The following PTK2 variants were observed in gnomAD, a reference collection of about 807,000 sequenced individuals.
PTK2 encodes the protein protein tyrosine kinase 2, also known as focal adhesion kinase 1.
In PTK2, 45 loss-of-function variants were observed where a neutral mutation model predicts 150.1. That is an observed-to-expected ratio of 0.30 (90% confidence interval 0.24 to 0.38). The LOEUF is 0.38. PTK2 is among the 10% of genes least tolerant of loss of function. PTK2 has a pLI of 1.00. For missense variants in PTK2, 919 were observed against 1,307.3 expected (o/e 0.70, Z 4.58); for synonymous variants, 432 against 449.2 (o/e 0.96, Z 0.48).
At chr8:141,001,986 C>G (rs2100200350), upstream of PTK2, 1 of 152,206 alleles carries the variant, frequency 6.6e-6, no homozygotes, top group Non-Finnish European at 1.5e-5. Context: ...GGGAACGAGC[C>G]CTGCAATCCC....
chr8:140,866,446 T>C (rs1313953829), intron 4 of PTK2, among the ~76,000 whole-genome samples: 1 of 152,210 alleles, frequency 6.6e-6, no homozygotes, highest in Non-Finnish European at 1.5e-5. Flanking sequence ...TTTACACAGA[T>C]GATTTCTTTT....
chr8:140,740,634 T>C (rs1336319452), intron 20 of PTK2, among the ~76,000 whole-genome samples: 1 of 152,242 alleles, frequency 6.6e-6, no homozygotes, highest in Non-Finnish European at 1.5e-5. Context: ...GTTTAAAATG[T>C]TGTTCAAATG....
intron 1 of PTK2, among the ~76,000 whole-genome samples, chr8:140,979,466 T>C (rs544367853): frequency 2.1e-5 from 3 of 145,854 alleles, no homozygotes; most frequent in Non-Finnish European, 3.0e-5. Flanking sequence ...ATAGCAAATA[T>C]ATTAAAAGTG....
intron 5 of PTK2, among the ~76,000 whole-genome samples, chr8:140,858,824 A>G (rs1289379273): frequency 6.6e-6 from 1 of 152,244 alleles, no homozygotes; most frequent in African/African-American, 2.4e-5. Context: ...CAATATCTAA[A>G]TATGTGCAAG....
chr8:140,955,130 T>A (rs2100180804), intron 1 of PTK2, among the ~76,000 whole-genome samples: 1 of 152,264 alleles, frequency 6.6e-6, no homozygotes. Context: ...TATACACATC[T>A]ATTTCACTTC....
intron 24 of PTK2, 82 bp from the exon 28 acceptor site, chr8:140,702,789 T>C (rs2154111973): frequency 6.9e-7 from 1 of 1,441,076 alleles, no homozygotes; most frequent in East Asian, 2.4e-5. Flanking sequence ...AAACTAAAAT[T>C]ACAGAGAATA....
chr8:140,837,905 A>C (rs889275846), intron 7 of PTK2, among the ~76,000 whole-genome samples: 1 of 151,708 alleles, frequency 6.6e-6, no homozygotes, highest in African/African-American at 2.4e-5. Context: ...CTAAAAATAC[A>C]AAAAAAATTA....
At chr8:140,819,474 G>A (rs1451029665) in intron 8 of PTK2, among the ~76,000 whole-genome samples, 4 of 152,206 alleles carry the variant, frequency 2.6e-5, no homozygotes, top group East Asian at 3.8e-4. Context: ...CTTTAGAAAT[G>A]ATTAGAGATA....
intron 1 of PTK2, among the ~76,000 whole-genome samples, chr8:140,999,095 C>A (rs568410177): frequency 2.0e-5 from 3 of 152,276 alleles, no homozygotes; most frequent in African/African-American, 7.2e-5. Flanking sequence ...AATAATAAGG[C>A]TTTTTAAGTC....
At chr8:140,915,583 A>G (rs913355082) in intron 2 of PTK2, among the ~76,000 whole-genome samples, 1 of 152,052 alleles carries the variant, frequency 6.6e-6, no homozygotes, top group Non-Finnish European at 1.5e-5. Context: ...CTTCACTTAG[A>G]AGGTCATATT....
At chr8:140,833,451 A>T (rs1219581404) in intron 7 of PTK2, among the ~76,000 whole-genome samples, 1 of 152,222 alleles carries the variant, frequency 6.6e-6, no homozygotes, top group African/African-American at 2.4e-5. Flanking sequence ...TACTATGTTC[A>T]AAGTTTTTAG....
At chr8:140,885,621 T>G (rs1265351476) in intron 3 of PTK2, among the ~76,000 whole-genome samples, 1 of 152,014 alleles carries the variant, frequency 6.6e-6, no homozygotes, top group Non-Finnish European at 1.5e-5. Flanking sequence ...AAGGGCAGGG[T>G]GAGAACAAGC....
At chr8:140,931,798 T>C (rs1460813924) in intron 1 of PTK2, among the ~76,000 whole-genome samples, 1 of 151,844 alleles carries the variant, frequency 6.6e-6, no homozygotes, top group Non-Finnish European at 1.5e-5. Flanking sequence ...TAGCTGGTTG[T>C]GGTGGCACAC....
At chr8:140,789,523 C>T (rs748726361) in exon 14 of PTK2, 7 of 1,612,702 alleles carry the variant, frequency 4.3e-6, no homozygotes, top group Non-Finnish European at 5.1e-6. Flanking sequence ...CGCTGTTGGC[C>T]AACCTGTGAC....
intron 14 of PTK2, among the ~76,000 whole-genome samples, chr8:140,779,707 G>A (rs1298496030): frequency 1.3e-5 from 2 of 152,186 alleles, no homozygotes; most frequent in Non-Finnish European, 2.9e-5. Flanking sequence ...AAGGGAGTCT[G>A]GGGCTTCTGG....
intron 2 of PTK2, among the ~76,000 whole-genome samples, chr8:140,895,221 T>G (rs1336183221): frequency 6.6e-6 from 1 of 152,202 alleles, no homozygotes; most frequent in Non-Finnish European, 1.5e-5. Flanking sequence ...GACAGAGCTA[T>G]ACTTAGAGTA....
In PTK2 at chr8:140,915,033, C is replaced by CAAAA. The variant is rs10661609; in HGVS notation, c.-33+10624_-33+10627dup. Among the ~76,000 whole-genome samples the CAAAA allele has an allele frequency of 8.1e-3, 425 of 52,320 alleles. 3 individuals carry two copies. Among genetic ancestry groups the CAAAA allele is most frequent in the Middle Eastern group, 0.014 (1 of 72 alleles). 34.3% of individuals were successfully genotyped at this position (52,320 alleles called of 152,430 possible). On this transcript the variant is annotated intron_variant, in intron 2 of 31. Coordinates refer to ENST00000522684, the Ensembl canonical transcript of PTK2. ...GGGCAACAAGAACGAAACTCCAACT[C>CAAAA]AAAAAAAAAAAAAAAAAAAAAAGTC...
Position 140,921,020 on chromosome 8 carries a change from G to C in PTK2, c.-33+4641C>G, listed in dbSNP as rs2100167193. Reference sequence around the variant, plus strand: ...ACAAGCAAGACTAAGGTTCCCCTGTGTGCTCCTTTTTTCAGAGCTTGAAGC... The same window carrying C: ...ACAAGCAAGACTAAGGTTCCCCTGTCTGCTCCTTTTTTCAGAGCTTGAAGC... On this transcript the variant is annotated intron_variant, in intron 2 of 31. Transcript: ENST00000522684. 5 of 1,288,156 alleles carry C rather than the reference G, an allele frequency of 3.9e-6. No individual in the cohort carries two copies. In the South Asian group the frequency reaches 1.3e-4, roughly 33 times the overall value. 79.8% of individuals were successfully genotyped at this position (1,288,156 alleles called of 1,614,324 possible).
chr8:140,886,620 C>T (rs769404749), intron 3 of PTK2, among the ~76,000 whole-genome samples: 28 of 152,190 alleles, frequency 1.8e-4, no homozygotes, highest in African/African-American at 5.8e-4. Flanking sequence ...CTTTTTTCCA[C>T]GCTGCATTAT....
Sources: gnomAD v4.1 joint callset for allele counts (sites outside exome capture counted in the v4.1 genomes callset) on GRCh38, gnomAD v4.1.1 for gene constraint, MANE v1.5 for transcripts, NCBI Gene and HGNC (gene_info 2026-07-23, HGNC 2026-07-21) for gene names.